The following CD84 variants were observed in gnomAD, a reference collection of about 807,000 sequenced individuals.
CD84 encodes SLAM family member 5.
In CD84, 22 loss-of-function variants were observed where a neutral mutation model predicts 33.8. The ratio of observed to expected loss-of-function variants is 0.65; its 90% CI spans 0.46 to 0.93. The LOEUF (loss-of-function observed/expected upper bound fraction) is 0.93. CD84 is among the 40% of genes least tolerant of loss of function. The probability of loss-of-function intolerance (pLI) is 0.00; values close to 1 mark genes in which losing one functional copy is unlikely to be tolerated. For missense variants in CD84, 400 were observed against 397.6 expected (o/e 1.01, Z -0.05); for synonymous variants, 154 against 145.2 (o/e 1.06, Z -0.44).
At chr1:160,557,385 A>G in intron 2 of CD84, among the ~76,000 whole-genome samples, 1 of 152,264 alleles carries the variant, frequency 6.6e-6, no homozygotes. Context: ...TGGAGCATCC[A>G]CTATGTACCT....
intron 2 of CD84, among the ~76,000 whole-genome samples, chr1:160,556,012 C>A (rs963671706): frequency 1.3e-5 from 2 of 152,026 alleles, no homozygotes; most frequent in African/African-American, 2.4e-5. Context: ...GTGACTGATA[C>A]GATATCAATT....
chr1:160,570,146 A>G (rs1317608239), intron 1 of CD84, among the ~76,000 whole-genome samples: 1 of 152,166 alleles, frequency 6.6e-6, no homozygotes, highest in African/African-American at 2.4e-5. Context: ...AGAAATAAAG[A>G]GGCATCTGCT....
chr1:160,550,434 G>A (rs1656131773), intron 5 of CD84, among the ~76,000 whole-genome samples: 2 of 152,034 alleles, frequency 1.3e-5, no homozygotes, highest in Non-Finnish European at 2.9e-5. Context: ...GGAGGGGCAG[G>A]CAGGTAAAGG....
intron 5 of CD84, among the ~76,000 whole-genome samples, chr1:160,550,446 C>T (rs1165092410): frequency 6.6e-6 from 1 of 151,464 alleles, no homozygotes; most frequent in Non-Finnish European, 1.5e-5. Context: ...AGGTAAAGGG[C>T]GGATGGGAGG....
Position 160,541,823 on chromosome 1 carries a change from A to C in CD84, c.*6433T>G, listed in dbSNP as rs1172968082. 1 of 152,236 alleles carries C rather than the reference A, an allele frequency of 6.6e-6. No homozygotes were observed. The highest frequency in any genetic ancestry group is 1.5e-5 in the Non-Finnish European group (1 of 68,058). The allele number at this position is 152,236 out of a possible 1,614,324, so 9.4% of individuals were successfully genotyped here. ...GTGGAAGTGAAGTGATAAGATCCTC[A>C]TTTTAGAAAGATTGCTCTTTATGTA... is the stretch of plus-strand genomic sequence containing the variant. On this transcript the variant is annotated 3_prime_UTR_variant, in exon 7 of 7. Transcript: ENST00000368054.
intron 2 of CD84, among the ~76,000 whole-genome samples, chr1:160,557,290 T>TTCG (rs1462650480): frequency 6.6e-6 from 1 of 152,246 alleles, no homozygotes; most frequent in Non-Finnish European, 1.5e-5. Flanking sequence ...TCAATCATCT[T>TTCG]ATATTAATCG....
chr1:160,549,024 TC>T (rs1457580021), intron 6 of CD84, among the ~76,000 whole-genome samples: 1 of 152,026 alleles, frequency 6.6e-6, no homozygotes, highest in East Asian at 1.9e-4. Context: ...TCCTCATTCC[TC>T]CCCTTCTTTT....
chr1:160,573,916 T>C (rs1246959639), intron 1 of CD84, among the ~76,000 whole-genome samples: 6 of 151,828 alleles, frequency 4.0e-5, no homozygotes, highest in Admixed American at 6.6e-5. Flanking sequence ...TGAGATCCCA[T>C]CTCTATGAAA....
intron 2 of CD84, among the ~76,000 whole-genome samples, chr1:160,564,436 T>C (rs1657187926): frequency 6.6e-6 from 1 of 152,214 alleles, no homozygotes; most frequent in Non-Finnish European, 1.5e-5. Flanking sequence ...AAATAAAAAC[T>C]TATTTCATGC....
chr1:160,551,680 A>G (rs565127458), intron 4 of CD84, among the ~76,000 whole-genome samples: 145 of 152,250 alleles, frequency 9.5e-4, no homozygotes, highest in African/African-American at 3.3e-3. Context: ...AGTAGCTGGG[A>G]CCACAGGTAT....
chr1:160,578,408 A>G (rs1658103598), intron 1 of CD84, among the ~76,000 whole-genome samples: 1 of 152,260 alleles, frequency 6.6e-6, no homozygotes, highest in Middle Eastern at 3.4e-3. Context: ...AGTGGTTACA[A>G]TCTCCATGAA....
Position 160,547,451 on chromosome 1 carries a change from T to C in CD84, c.*805A>G, listed in dbSNP as rs1314531072. The C allele has an allele frequency of 8.6e-6, 3 of 349,562 alleles. No homozygotes were observed. Among genetic ancestry groups the C allele is most frequent in the Non-Finnish European group, 1.0e-5 (2 of 195,732 alleles). 21.7% of individuals were successfully genotyped at this position (349,562 alleles called of 1,614,324 possible). A position where few individuals can be genotyped will look rare whatever the true frequency, so the allele number is the denominator to read the frequency against. ...AGAAAATCCTATAAGGCTTCTGAAG[T>C]AGCACTCCAAGAAAAGTGTCCCAGC... On this transcript the variant is annotated 3_prime_UTR_variant, in exon 7 of 7. Coordinates refer to ENST00000368054, the MANE Select transcript of CD84 (RefSeq NM_003874.4).
At chr1:160,555,373 G>T (rs79705074) in intron 2 of CD84, among the ~76,000 whole-genome samples, 7,578 of 152,048 alleles carry the variant, frequency 0.05, 642 homozygotes, top group African/African-American at 0.17. Flanking sequence ...GTGAGCCACC[G>T]CACCCAGCCA....
chr1:160,565,321 T>G, intron 2 of CD84, 83 bp downstream of exon 2: 2 of 1,003,820 alleles, frequency 2.0e-6, no homozygotes, highest in Non-Finnish European at 3.0e-6. Flanking sequence ...GGGGACCCAA[T>G]TATCAGAAAT....
chr1:160,569,361 T>C (rs921001653), intron 1 of CD84, among the ~76,000 whole-genome samples: 1 of 152,200 alleles, frequency 6.6e-6, no homozygotes, highest in African/African-American at 2.4e-5. Context: ...CATTATGTTA[T>C]CACTGGAAGT....
At chr1:160,576,188 C>T (rs747946558) in intron 1 of CD84, among the ~76,000 whole-genome samples, 5 of 152,082 alleles carry the variant, frequency 3.3e-5, no homozygotes, top group Non-Finnish European at 5.9e-5. Flanking sequence ...CTTCCTGTCT[C>T]TGAGCCCCAG....
chr1:160,577,615 A>G (rs890107158), intron 1 of CD84, among the ~76,000 whole-genome samples: 4 of 152,166 alleles, frequency 2.6e-5, no homozygotes, highest in African/African-American at 9.7e-5. Context: ...ATTCCCTGAC[A>G]GAGGAGTCCT....
In CD84 at chr1:160,554,024, G is replaced by C. The variant is rs1269501889; in HGVS notation, c.511C>G (p.Leu171Val). The C allele has an allele frequency of 1.9e-6, 3 of 1,614,070 alleles. No homozygotes were observed. Among genetic ancestry groups the C allele is most frequent in the Admixed American group, 1.7e-5 (1 of 60,002 alleles). Reference sequence around the variant, plus strand: ...TGAAGGACATTACCCTCTTCTCCCAGGGGACTCCAATTGTATGTCACATTC... The same window carrying C: ...TGAAGGACATTACCCTCTTCTCCCACGGGACTCCAATTGTATGTCACATTC... The part of the protein sequence containing the change: ...EKNVTYNWSP[L>V]GEEGNVLQIF... The change falls in exon 3 of 7, where the codon CTG (leucine) becomes GTG (valine). Residue 171 changes from leucine (L) to valine (V), a missense_variant. Transcript: ENST00000368054.
At chr1:160,552,987 A>C in intron 4 of CD84, 1 of 577,366 alleles carries the variant, frequency 1.7e-6, no homozygotes. Flanking sequence ...ATGTTTCTCA[A>C]TGACTCTCCA....
Sources: gnomAD v4.1 joint callset for allele counts (sites outside exome capture counted in the v4.1 genomes callset) on GRCh38, gnomAD v4.1.1 for gene constraint, MANE v1.5 for transcripts, NCBI Gene and HGNC (gene_info 2026-07-23, HGNC 2026-07-21) for gene names.